Variants in NAPSA observed in about 807,000 individuals in gnomAD.
NAPSA encodes the protein napsin A aspartic peptidase.
A neutral mutation model predicts 36.7 loss-of-function variants in NAPSA; 37 were observed. That is an observed-to-expected ratio of 1.01 (90% CI 0.78 to 1.33). The LOEUF (loss-of-function observed/expected upper bound fraction) is 1.33. Among genes scored for constraint, NAPSA ranks in the 40% most tolerant of loss-of-function variants. NAPSA has a pLI of 0.00. For missense variants in NAPSA, 532 were observed against 543.8 expected (o/e 0.98, Z 0.21); for synonymous variants, 222 against 234.5 (o/e 0.95, Z 0.49).
chr19:50,361,193 T>C (rs936127713), intron 4 of NAPSA, 53 bp from the exon 5 acceptor site: 18 of 1,480,524 alleles, frequency 1.2e-5, no homozygotes, highest in Non-Finnish European at 1.6e-5. Flanking sequence ...AATAACCACA[T>C]GTCCTGAGGT....
rs369177695 is a variant in NAPSA at position 50,361,139 on chromosome 19, A to G, written c.470T>C (p.Ile157Thr). Residue 157 changes from isoleucine to threonine, a missense_variant and splice_region_variant, in exon 5 of 9, where the codon ATT becomes ACT. Around this residue, in one of 3 missense-constraint regions of NAPSA, gnomAD observed 385 missense variants for 371.5 expected, o/e 1.04. Transcript: ENST00000253719. ...CACTGATGCACCCTTGATTCCACCA[A>G]TCTAGGGGTAGATTGAGATGTGACC... ...DGILSEDKLTIGGIKGASVIF... is the reference protein window; with the variant it reads ...DGILSEDKLTTGGIKGASVIF... 9.3e-6 allele frequency: 15 copies of G among 1,612,898 alleles called. No homozygotes were observed. The African/African-American group carries it at 1.9e-4, about 20-fold the overall frequency.
Position 50,359,631 on chromosome 19 carries a change from C to G in NAPSA, c.808G>C (p.Gly270Arg). 6.2e-7 allele frequency: 1 copy of G among 1,614,228 alleles called. No homozygotes were observed. Among genetic ancestry groups the G allele is most frequent in the Non-Finnish European group, 8.5e-7 (1 of 1,180,046 alleles). ...CAGCCCTTGGCACAGAGAGTCAGCC[C>G]TGGGCCCACCTTCACACTGAGGGGG... ...IHMERVKVGP[G>R]LTLCAKGCAA... Residue 270 changes from glycine (G) to arginine (R), a missense_variant, in exon 7 of 9, where the codon GGG (glycine) becomes CGG (arginine). This residue lies in a region of NAPSA where 385 missense variants were observed against 371.5 expected (regional missense o/e 1.04). Coordinates refer to ENST00000253719, the MANE Select transcript of NAPSA (RefSeq NM_004851.3).
chr19:50,360,678 G>A (rs1418995699), intron 5 of NAPSA, among the ~76,000 whole-genome samples: 1 of 152,174 alleles, frequency 6.6e-6, no homozygotes, highest in Non-Finnish European at 1.5e-5. Flanking sequence ...ATTCTGAACT[G>A]ATGGTGGGTT....
At chr19:50,361,551 G>T in intron 4 of NAPSA, 112 bp downstream of exon 4, 2 of 908,298 alleles carry the variant, frequency 2.2e-6, no homozygotes, top group Non-Finnish European at 3.6e-6. Flanking sequence ...CACTTGAAAA[G>T]CCCCATCCAT....
upstream of NAPSA, among the ~76,000 whole-genome samples, chr19:50,369,004 C>G (rs1349626441): frequency 6.6e-6 from 1 of 151,874 alleles, no homozygotes; most frequent in African/African-American, 2.4e-5. Flanking sequence ...GGACCTGGAT[C>G]TCCCCATGTC....
At chr19:50,361,539 C>T in intron 4 of NAPSA, 124 bp downstream of exon 4, 1 of 835,036 alleles carries the variant, frequency 1.2e-6, no homozygotes. Context: ...GGCCCTCCTC[C>T]CCACTTGAAA....
intron 1 of NAPSA, among the ~76,000 whole-genome samples, chr19:50,365,257 C>A (rs2037532605): frequency 6.6e-6 from 1 of 151,908 alleles, no homozygotes; most frequent in African/African-American, 2.4e-5. Flanking sequence ...TCGCTTGAAC[C>A]CAGGAGGCAG....
In NAPSA at chr19:50,365,600, G is replaced by A. The variant is rs895416607; in HGVS notation, c.22C>T (p.Gln8Ter). The A allele has an allele frequency of 1.9e-5, 31 of 1,612,562 alleles. No individual in the cohort carries two copies. Among genetic ancestry groups the A allele is most frequent in the Non-Finnish European group, 2.5e-5 (30 of 1,179,530 alleles). MSPPPLLQPLLLLLPLLN... is the reference protein window; with the variant it reads MSPPPLL ...AGAGGCAGCAGCAGCAGCAGGGGTT[G>A]CAGCAGCGGTGGTGGAGACATCGCT... The change falls in exon 1 of 9, where the codon CAA becomes TAA. Residue 8 changes from glutamine (Q) to a stop codon, truncating the protein, a stop_gained. Coordinates refer to ENST00000253719, the MANE Select transcript of NAPSA (RefSeq NM_004851.3). LOFTEE classifies it high-confidence loss of function.
Position 50,358,545 on chromosome 19 carries a change from C to A in NAPSA, c.*8G>T. 1.9e-6 allele frequency: 3 copies of A among 1,579,654 alleles called. No individual in the cohort carries two copies. The highest frequency in any genetic ancestry group is 2.6e-6 in the Non-Finnish European group (3 of 1,163,184). On this transcript the variant is annotated 3_prime_UTR_variant, in exon 9 of 9. Transcript: ENST00000253719. ...GACCACCCGCTGCGCATGCGCTTCA[C>A]TTGGGCGTCACCCGGGGAACTGCGC...
chr19:50,359,991 C>A lies in NAPSA; in HGVS notation c.669-129G>T, dbSNP rs1055667378. On this transcript the variant is annotated intron_variant, in intron 5 of 8. Transcript: ENST00000253719. The stretch of plus-strand genomic sequence containing the variant: ...GGAGTTCCTACGGGGTAATGGGATG[C>A]AGGAAGGGCCTAGATGTTGGGACTG... 2.1e-5 allele frequency: 26 copies of A among 1,232,852 alleles called. No homozygotes were observed. In the African/African-American group the frequency reaches 3.6e-4, roughly 17 times the overall value. The allele number at this position is 1,232,852 out of a possible 1,614,324, so 76.4% of individuals were successfully genotyped here. A position where few individuals can be genotyped will look rare whatever the true frequency, so the allele number is the denominator to read the frequency against.
chr19:50,365,610 T>C lies in NAPSA; in HGVS notation c.12A>G (p.Pro4=), dbSNP rs750561281. Residue 4 remains proline (P), a synonymous_variant, in exon 1 of 9, where the codon CCA becomes CCG. Coordinates refer to ENST00000253719, the MANE Select transcript of NAPSA (RefSeq NM_004851.3). ...GCAGCAGCAGGGGTTGCAGCAGCGG[T>C]GGTGGAGACATCGCTGGGGACCTGG... MSP[P]PLLQPLLLLL... 1 of 1,611,382 alleles carries C rather than the reference T, an allele frequency of 6.2e-7. No individual in the cohort carries two copies. Among genetic ancestry groups the C allele is most frequent in the Non-Finnish European group, 8.5e-7 (1 of 1,178,912 alleles).
chr19:50,361,122 C>T lies in NAPSA; in HGVS notation c.487G>A (p.Ala163Thr). Reference protein sequence around the residue: ...DKLTIGGIKGASVIFGEALWE... With the variant: ...DKLTIGGIKGTSVIFGEALWE... ...AGAGCCTCCCCGAAAATCACTGATG[C>T]ACCCTTGATTCCACCAATCTAGGGG... is the stretch of plus-strand genomic sequence containing the variant. Residue 163 changes from alanine (A) to threonine (T), a missense_variant, in exon 5 of 9, where the codon GCA becomes ACA. By Grantham distance (58) the Ala-to-Thr change is moderately conservative. Around this residue, in one of 3 missense-constraint regions of NAPSA, gnomAD observed 385 missense variants for 371.5 expected, o/e 1.04. Coordinates refer to ENST00000253719, the MANE Select transcript of NAPSA (RefSeq NM_004851.3). The T allele has an allele frequency of 1.9e-6, 3 of 1,613,806 alleles. No individual in the cohort carries two copies. Among genetic ancestry groups the T allele is most frequent in the Non-Finnish European group, 2.5e-6 (3 of 1,179,950 alleles).
At chr19:50,367,875 C>T (rs984585392), upstream of NAPSA, among the ~76,000 whole-genome samples, 1 of 151,974 alleles carries the variant, frequency 6.6e-6, no homozygotes, top group Non-Finnish European at 1.5e-5. Context: ...CCTTAGAAAT[C>T]GGCTGGATGC....
intron 8 of NAPSA, 111 bp downstream of exon 8, chr19:50,358,900 A>G: frequency 7.5e-7 from 1 of 1,335,178 alleles, no homozygotes; most frequent in East Asian, 2.3e-5. Context: ...CTGCCATCAC[A>G]GGGAAAAGAA....
At position 50,365,604 on chromosome 19, in the gene NAPSA, C is replaced by T; in HGVS notation, c.18G>A (p.Leu6=). The change falls in exon 1 of 9, where the codon CTG becomes CTA. Residue 6 remains leucine, a synonymous_variant. Coordinates refer to ENST00000253719, the MANE Select transcript of NAPSA (RefSeq NM_004851.3). MSPPP[L]LQPLLLLLPL... ...GCAGCAGCAGCAGCAGGGGTTGCAG[C>T]AGCGGTGGTGGAGACATCGCTGGGG... The T allele has an allele frequency of 4.3e-6, 7 of 1,612,186 alleles. No individual in the cohort carries two copies. Among genetic ancestry groups the T allele is most frequent in the Middle Eastern group, 1.8e-4 (1 of 5,542 alleles).
At chr19:50,368,434 G>C (rs1244461273), upstream of NAPSA, among the ~76,000 whole-genome samples, 1 of 152,162 alleles carries the variant, frequency 6.6e-6, no homozygotes, top group African/African-American at 2.4e-5. Flanking sequence ...TGAAGCTGCA[G>C]TGAGCCGTCA....
intron 1 of NAPSA, among the ~76,000 whole-genome samples, chr19:50,364,160 A>G (rs1219853871): frequency 1.3e-5 from 2 of 151,354 alleles, no homozygotes; most frequent in Non-Finnish European, 2.9e-5. Flanking sequence ...TCTACTAAAG[A>G]TACAAAAAAA....
rs202033533 is a variant in NAPSA at position 50,362,167 on chromosome 19, C to G, written c.225+5G>C. 1.9e-6 allele frequency: 3 copies of G among 1,612,498 alleles called. No individual in the cohort carries two copies. Among genetic ancestry groups the G allele is most frequent in the Non-Finnish European group, 2.5e-6 (3 of 1,178,950 alleles). ...GGGTGAGGGCTGTGTGGGGCTGTGA[C>G]TCACATCCCTGTAGTTCGAGAGAGG... On this transcript the variant is annotated splice_donor_5th_base_variant and intron_variant, in intron 2 of 8. Transcript: ENST00000253719.
At chr19:50,363,212 A>G (rs1336843073) in intron 1 of NAPSA, among the ~76,000 whole-genome samples, 1 of 152,092 alleles carries the variant, frequency 6.6e-6, no homozygotes, top group Non-Finnish European at 1.5e-5. Flanking sequence ...GAGAATGTGA[A>G]GTGGGGAAAA....
Sources: gnomAD v4.1 joint callset for allele counts (sites outside exome capture counted in the v4.1 genomes callset) on GRCh38, gnomAD v4.1.1 for gene constraint, gnomAD v4.1.1 regional missense constraint, MANE v1.5 for transcripts, NCBI Gene and HGNC (gene_info 2026-07-23, HGNC 2026-07-21) for gene names.